The following CYP3A7 variants were observed in gnomAD, a reference collection of about 807,000 sequenced individuals.
CYP3A7 encodes the protein cytochrome P450 3A7.
CYP3A7 carries 45 observed loss-of-function variants against 55.2 expected under a neutral mutation model. That is an observed-to-expected ratio of 0.82 (90% confidence interval 0.64 to 1.05). The LOEUF (loss-of-function observed/expected upper bound fraction) is 1.05. CYP3A7 is among the 50% of genes least tolerant of loss of function. The pLI is 0.00. For synonymous variants in CYP3A7, 180 were observed against 207.4 expected (o/e 0.87, Z 1.13); for missense variants, 548 against 605.3 (o/e 0.91, Z 0.99).
At chr7:99,717,843 T>A (rs1431916219) in intron 4 of CYP3A7, among the ~76,000 whole-genome samples, 1 of 152,210 alleles carries the variant, frequency 6.6e-6, no homozygotes, top group African/African-American at 2.4e-5. Flanking sequence ...TATCCCAGTC[T>A]CCTTTTACAT....
rs761558294 is a variant in CYP3A7, at chr7:99,714,614, T to G, written c.739A>C (p.Ser247Arg). Residue 247 changes from serine (S) to arginine (R), a missense_variant, in exon 8 of 13, where the codon AGT (serine) becomes CGT (arginine). By Grantham distance (110) the Ser-to-Arg change is moderately radical. Transcript: ENST00000336374. ...NITVFPRKVISFLTKSVKQIK... is the reference protein window; with the variant it reads ...NITVFPRKVIRFLTKSVKQIK... Reference sequence around the variant, plus strand: ...TGTTTTACAGATTTTGTTAGAAAACTTATAACTTTTCTTGGAAACACAGTG... The same window carrying G: ...TGTTTTACAGATTTTGTTAGAAAACGTATAACTTTTCTTGGAAACACAGTG... 218 of 1,613,232 alleles carry G rather than the reference T, an allele frequency of 1.4e-4. No individual in the cohort carries two copies. The highest frequency in any genetic ancestry group is 1.8e-4 in the Non-Finnish European group (210 of 1,179,612).
At chr7:99,734,834 C>T (rs1268094053) in intron 1 of CYP3A7, among the ~76,000 whole-genome samples, 189 bp downstream of exon 1, 1 of 152,054 alleles carries the variant, frequency 6.6e-6, no homozygotes, top group African/African-American at 2.4e-5. Flanking sequence ...ATTAGCCAGG[C>T]TGGTCTTGAA....
chr7:99,714,052 GAGA>G (rs1229686521), intron 8 of CYP3A7, among the ~76,000 whole-genome samples: 1 of 152,162 alleles, frequency 6.6e-6, no homozygotes, highest in African/African-American at 2.4e-5. Context: ...TCAATTCCCA[GAGA>G]AGACCTCTGT....
chr7:99,715,834 A>G lies in CYP3A7; in HGVS notation c.594T>C (p.Asn198=). The change falls in exon 7 of 13, where the codon AAT becomes AAC. Residue 198 remains asparagine (N), a synonymous_variant. Coordinates refer to ENST00000336374, the MANE Select transcript of CYP3A7 (RefSeq NM_000765.5). ...SFGVSIDSLN[N]PQDPFVENTK... ...TGTTTTCCACAAAGGGGTCTTGTGG[A>G]TTGTTGAGAGAGTCGATGCTCACTC... 6.2e-7 allele frequency: 1 copy of G among 1,613,964 alleles called. No homozygotes were observed. Among genetic ancestry groups the G allele is most frequent in the African/African-American group, 1.3e-5 (1 of 75,040 alleles).
chr7:99,715,986 A>G (rs1194122855), intron 6 of CYP3A7, 80 bp from the exon 7 acceptor site: 1 of 1,610,540 alleles, frequency 6.2e-7, no homozygotes. Flanking sequence ...GGAAATCCAC[A>G]TGTCCAGTCA....
At position 99,723,573 on chromosome 7, in the gene CYP3A7, A is replaced by C. The variant is rs150473687; in HGVS notation, c.166-1225T>G. 4.1e-3 allele frequency among the ~76,000 whole-genome samples: 620 copies of C among 152,242 alleles called. 5 individuals are homozygous for C. The highest frequency in any genetic ancestry group is 0.014 in the African/African-American group (593 of 41,534). On this transcript the variant is annotated intron_variant, in intron 2 of 12. Transcript: ENST00000336374. ...TGGTCTCTTCACATGGACGCAAATG[A>C]CATTTGGTGCCAAAGACCTGGGACA...
intron 1 of CYP3A7, among the ~76,000 whole-genome samples, chr7:99,734,796 A>G (rs1358926398): frequency 2.6e-5 from 4 of 151,780 alleles, no homozygotes; most frequent in Admixed American, 6.6e-5. Context: ...TAATTTTTGT[A>G]ATTTTAGTAG....
Position 99,722,283 on chromosome 7 carries a change from C to T in CYP3A7, c.218+13G>A, listed in dbSNP as rs778746373. 3 of 1,613,460 alleles carry T rather than the reference C, an allele frequency of 1.9e-6. No individual in the cohort carries two copies. The highest frequency in any genetic ancestry group is 2.5e-6 in the Non-Finnish European group (3 of 1,179,668). On this transcript the variant is annotated intron_variant, in intron 3 of 12. Coordinates refer to ENST00000336374, the MANE Select transcript of CYP3A7 (RefSeq NM_000765.5). ...AAACAAGTCTATCCAATGGAATCTT[C>T]CAGAATACTCACCCCCAGACTTTTC...
Position 99,731,572 on chromosome 7 carries a change from G to A in CYP3A7, c.72-420C>T, listed in dbSNP as rs566931475. The stretch of plus-strand genomic sequence containing the variant: ...CAATTTTTCTTTTGTCTTCTGCAGT[G>A]ATGATGAGATTTTGCATCACTGCAT... On this transcript the variant is annotated intron_variant, in intron 1 of 12. Coordinates refer to ENST00000336374, the MANE Select transcript of CYP3A7 (RefSeq NM_000765.5). Among the ~76,000 whole-genome samples, 5 of 152,290 alleles carry A rather than the reference G, an allele frequency of 3.3e-5. No individual in the cohort carries two copies. In the East Asian group the frequency reaches 7.7e-4, roughly 23 times the overall value.
chr7:99,716,047 C>T, intron 6 of CYP3A7, 141 bp from the exon 7 acceptor site: 2 of 1,523,840 alleles, frequency 1.3e-6, no homozygotes, highest in South Asian at 1.2e-5. Context: ...GAGCATCTCC[C>T]ATCACACTCC....
intron 2 of CYP3A7, among the ~76,000 whole-genome samples, chr7:99,729,378 A>C (rs1814537722): frequency 6.6e-6 from 1 of 152,284 alleles, no homozygotes; most frequent in South Asian, 2.1e-4. Flanking sequence ...CACATGGCCC[A>C]TAATCCCGCT....
chr7:99,733,339 C>T (rs991792766), intron 1 of CYP3A7, among the ~76,000 whole-genome samples: 4 of 152,194 alleles, frequency 2.6e-5, no homozygotes, highest in African/African-American at 9.7e-5. Context: ...CATGATTCCA[C>T]GTCAAGGCAG....
In CYP3A7 at chr7:99,715,761, T is replaced by C. The variant is rs376868389; in HGVS notation, c.667A>G (p.Ile223Val). 15 of 1,613,602 alleles carry C rather than the reference T, an allele frequency of 9.3e-6. No homozygotes were observed. The highest frequency in any genetic ancestry group is 5.3e-5 in the African/African-American group (4 of 74,898). Residue 223 changes from isoleucine (I) to valine (V), a missense_variant, in exon 7 of 13, where the codon ATA becomes GTA. Ile to Val is a conservative substitution (Grantham distance 29, BLOSUM62 3). Transcript: ENST00000336374. Reference sequence around the variant, plus strand: ...AAGGAAATAGTAGTCCACATACTTATTGAGAGAACGAATGGATCTAATGGA... The same window carrying C: ...AAGGAAATAGTAGTCCACATACTTACTGAGAGAACGAATGGATCTAATGGA... Reference protein sequence around the residue: ...FNPLDPFVLSIKVFPFLTPIL... With the variant: ...FNPLDPFVLSVKVFPFLTPIL...
Position 99,720,343 on chromosome 7 carries a change from T to C in CYP3A7, c.288A>G (p.Lys96=). ...DPDMIKTVLV[K]ECYSVFTNRR... ...GGTTTGTGAAGACAGAATAACATTC[T>C]TTCACTAGCACTGTTTTGATCATGT... The change falls in exon 4 of 13, where the codon AAA becomes AAG. Residue 96 remains lysine, a synonymous_variant. Transcript: ENST00000336374. 3 of 1,613,620 alleles carry C rather than the reference T, an allele frequency of 1.9e-6. No individual in the cohort carries two copies. The highest frequency in any genetic ancestry group is 1.7e-6 in the Non-Finnish European group (2 of 1,179,746).
rs187539002 is a variant in CYP3A7, at chr7:99,715,960, C to T, written c.522-54G>A. 98 of 1,611,992 alleles carry T rather than the reference C, an allele frequency of 6.1e-5. 1 individual carries two copies. In the East Asian group the frequency reaches 2.0e-3, roughly 32 times the overall value. On this transcript the variant is annotated intron_variant, in intron 6 of 12. Transcript: ENST00000336374. ...AATCAGCACCTCTTTACCATCCTTC[C>T]TCTATGCGTGCAGCAGGAAATCCAC...
rs551181876 is a variant in CYP3A7, at chr7:99,722,428, C to T, written c.166-80G>A. 4.2e-5 allele frequency: 65 copies of T among 1,546,886 alleles called. No homozygotes were observed. The African/African-American group carries it at 8.3e-4, about 20-fold the overall frequency. On this transcript the variant is annotated intron_variant, in intron 2 of 12. Coordinates refer to ENST00000336374, the MANE Select transcript of CYP3A7 (RefSeq NM_000765.5). ...GCCTCTAATTGGGGTTGAAAACAGT[C>T]AAATCCAATGAAATTAGACTTGCTG... is the stretch of plus-strand genomic sequence containing the variant.
chr7:99,712,445 ATTAAAC>A (rs1813784968), intron 9 of CYP3A7, among the ~76,000 whole-genome samples: 1 of 152,222 alleles, frequency 6.6e-6, no homozygotes, highest in African/African-American at 2.4e-5. Flanking sequence ...ATTTTATTCA[ATTAAAC>A]TTAAATACAA....
At chr7:99,715,561 G>C (rs1813910101) in intron 7 of CYP3A7, 197 bp downstream of exon 7, 18 of 941,824 alleles carry the variant, frequency 1.9e-5, no homozygotes, top group Admixed American at 7.6e-5. Flanking sequence ...GGGGTTGATA[G>C]CTAAACATGT....
chr7:99,734,162 A>C (rs1229992715), intron 1 of CYP3A7, among the ~76,000 whole-genome samples: 2 of 152,218 alleles, frequency 1.3e-5, no homozygotes, highest in African/African-American at 2.4e-5. Flanking sequence ...ACCACAACTC[A>C]CTGAATTGCT....
Sources: gnomAD v4.1 joint callset for allele counts (sites outside exome capture counted in the v4.1 genomes callset) on GRCh38, gnomAD v4.1.1 for gene constraint, MANE v1.5 for transcripts, NCBI Gene and HGNC (gene_info 2026-07-23, HGNC 2026-07-21) for gene names.